The following SORL1-AS1 variants were observed in gnomAD, a reference collection of about 807,000 sequenced individuals.
SORL1-AS1 encodes the protein lncRNA 51 A.
Position 121,452,734 on chromosome 11 carries a change from C to A in SORL1-AS1, n.280G>T. 1.1e-6 allele frequency: 1 copy of A among 908,726 alleles called. No individual in the cohort carries two copies. Among genetic ancestry groups the A allele is most frequent in the Non-Finnish European group, 1.5e-6 (1 of 654,960 alleles). The allele number at this position is 908,726 out of a possible 1,614,324, so 56.3% of individuals were successfully genotyped here. A position where few individuals can be genotyped will look rare whatever the true frequency, so the allele number is the denominator to read the frequency against. On this transcript the variant is annotated non_coding_transcript_exon_variant, in exon 1 of 2. Transcript: ENST00000501964. The surrounding 1 kb of genome is among the most constrained non-coding windows in gnomAD (Gnocchi z 5.3). Reference sequence around the variant, plus strand: ...GCAGGCACCACTGGGGACTTCCCGGCTTGCATTTGTTTTTTTCCTTCACGA... The same window carrying A: ...GCAGGCACCACTGGGGACTTCCCGGATTGCATTTGTTTTTTTCCTTCACGA...
rs578506 is a variant in SORL1-AS1, at chr11:121,452,768, G to C, written n.246C>G. ...GTTTTTTTCCTTCACGAGTACAACC[G>C]TCAGCACTTGAATCGCATTGATCTT... On this transcript the variant is annotated non_coding_transcript_exon_variant, in exon 1 of 2. Transcript: ENST00000501964. This position sits in a 1 kb window ranked among gnomAD's most constrained non-coding sequence, Gnocchi z 5.3. 0.47 allele frequency: 279,157 copies of C among 596,972 alleles called. 70,991 individuals carry two copies. Among genetic ancestry groups the C allele is most frequent in the East Asian group, 0.73 (21,093 of 28,704 alleles). The allele number at this position is 596,972 out of a possible 1,614,324, so 37.0% of individuals were successfully genotyped here.
intron 1 of SORL1-AS1, among the ~76,000 whole-genome samples, chr11:121,451,333 G>A (rs1398246649): frequency 6.6e-6 from 1 of 152,310 alleles, no homozygotes; most frequent in South Asian, 2.1e-4. Context: ...AGTTTGGCTC[G>A]TCAAGCTGAA....
downstream of SORL1-AS1, among the ~76,000 whole-genome samples, chr11:121,442,767 C>T (rs1374206180): frequency 2.0e-5 from 3 of 150,230 alleles, no homozygotes; most frequent in Non-Finnish European, 4.4e-5. Flanking sequence ...CAAGCTCCGC[C>T]TCCCAGGTTC....
exon 2 of SORL1-AS1, chr11:121,448,045 C>A (rs1383829654): frequency 2.6e-5 from 4 of 152,176 alleles, no homozygotes; most frequent in Non-Finnish European, 5.9e-5. Flanking sequence ...TAACTTTAGG[C>A]AAAGCAAATA....
the SORL1-AS1 span, among the ~76,000 whole-genome samples, chr11:121,439,419 T>C: frequency 4.6e-5 from 7 of 151,736 alleles, no homozygotes; most frequent in Non-Finnish European, 1.0e-4. Flanking sequence ...TTTAAAAACA[T>C]TGATTGTCCT....
At chr11:121,451,367 C>G (rs1860789790) in intron 1 of SORL1-AS1, among the ~76,000 whole-genome samples, 1 of 152,226 alleles carries the variant, frequency 6.6e-6, no homozygotes, top group Admixed American at 6.5e-5. Flanking sequence ...TGTGTCCTCC[C>G]TCCTCTGTGG....
Position 121,452,350 on chromosome 11 carries a change from A to T in SORL1-AS1, n.339+325T>A. 4 of 1,553,674 alleles carry T rather than the reference A, an allele frequency of 2.6e-6. No individual in the cohort carries two copies. Among genetic ancestry groups the T allele is most frequent in the Non-Finnish European group, 3.5e-6 (4 of 1,154,518 alleles). ...CCCGAACATGGCGACACGGAGCAGC[A>T]GGAGGGAGTCGCGACTCCCGTTCCT... is the stretch of plus-strand genomic sequence containing the variant. On this transcript the variant is annotated intron_variant and non_coding_transcript_variant, in intron 1 of 1. Transcript: ENST00000501964. This position sits in a 1 kb window ranked among gnomAD's most constrained non-coding sequence, Gnocchi z 5.3.
chr11:121,444,533 T>C (rs1860701143), downstream of SORL1-AS1, among the ~76,000 whole-genome samples: 2 of 152,220 alleles, frequency 1.3e-5, no homozygotes, highest in South Asian at 4.1e-4. Flanking sequence ...TCTAGTACTT[T>C]ACACTGCACA....
exon 2 of SORL1-AS1, chr11:121,448,652 T>C (rs1355085858): frequency 6.6e-6 from 1 of 152,182 alleles, no homozygotes; most frequent in Admixed American, 6.5e-5. Flanking sequence ...ACAAAGGTGG[T>C]GTCACTTCTC....
chr11:121,452,426 C>A lies in SORL1-AS1; in HGVS notation n.339+249G>T, dbSNP rs780711159. On this transcript the variant is annotated intron_variant and non_coding_transcript_variant, in intron 1 of 1. Transcript: ENST00000501964. This position sits in a 1 kb window ranked among gnomAD's most constrained non-coding sequence, Gnocchi z 5.3. The stretch of plus-strand genomic sequence containing the variant: ...CCCGGAGCTCTCTGCGAAGTCTGGA[C>A]GCAGAGGCTGCACGGCGGCAGCGCG... The A allele has an allele frequency of 6.6e-7, 1 of 1,514,232 alleles. No individual in the cohort carries two copies. Among genetic ancestry groups the A allele is most frequent in the African/African-American group, 1.4e-5 (1 of 69,204 alleles). 93.8% of individuals were successfully genotyped at this position (1,514,232 alleles called of 1,614,324 possible).
At position 121,452,423 on chromosome 11, in the gene SORL1-AS1, G is replaced by A; in HGVS notation, n.339+252C>T. On this transcript the variant is annotated intron_variant and non_coding_transcript_variant, in intron 1 of 1. Transcript: ENST00000501964. This position sits in a 1 kb window ranked among gnomAD's most constrained non-coding sequence, Gnocchi z 5.3. The stretch of plus-strand genomic sequence containing the variant: ...CCGCCCGGAGCTCTCTGCGAAGTCT[G>A]GACGCAGAGGCTGCACGGCGGCAGC... 1 of 1,516,542 alleles carries A rather than the reference G, an allele frequency of 6.6e-7. No individual in the cohort carries two copies. Among genetic ancestry groups the A allele is most frequent in the East Asian group, 2.8e-5 (1 of 36,360 alleles). 93.9% of individuals were successfully genotyped at this position (1,516,542 alleles called of 1,614,324 possible).
downstream of SORL1-AS1, among the ~76,000 whole-genome samples, chr11:121,444,709 A>G (rs1265466259): frequency 6.6e-6 from 1 of 152,212 alleles, no homozygotes; most frequent in African/African-American, 2.4e-5. Context: ...CCCTGCTGGG[A>G]GGCATCCAAG....
chr11:121,446,083 A>G (rs1311262499), downstream of SORL1-AS1, among the ~76,000 whole-genome samples: 2 of 152,162 alleles, frequency 1.3e-5, no homozygotes, highest in African/African-American at 4.8e-5. Flanking sequence ...TCCAGAACCA[A>G]CTGCCGAAGG....
exon 2 of SORL1-AS1, chr11:121,449,549 T>G (rs1860763749): frequency 6.6e-6 from 1 of 152,190 alleles, no homozygotes; most frequent in African/African-American, 2.4e-5. Flanking sequence ...GAAGAAATCG[T>G]AAGAGACAAG....
chr11:121,448,608 T>C (rs1860753369), exon 2 of SORL1-AS1: 1 of 152,186 alleles, frequency 6.6e-6, no homozygotes, highest in South Asian at 2.1e-4. Flanking sequence ...GAGATTCAAC[T>C]ACATTGGCCC....
chr11:121,449,275 T>C (rs1591538165), exon 2 of SORL1-AS1: 1 of 152,258 alleles, frequency 6.6e-6, no homozygotes. Context: ...CCATGCAAGA[T>C]GGGACAGAGG....
the SORL1-AS1 span, among the ~76,000 whole-genome samples, chr11:121,442,298 C>T: frequency 9.9e-5 from 15 of 152,126 alleles, no homozygotes; most frequent in Admixed American, 9.2e-4. Flanking sequence ...TAACGAGCAA[C>T]TAGAATCCTT....
downstream of SORL1-AS1, among the ~76,000 whole-genome samples, chr11:121,443,854 C>T (rs1410846105): frequency 6.6e-6 from 1 of 152,216 alleles, no homozygotes; most frequent in Non-Finnish European, 1.5e-5. Context: ...GCAGACCCAG[C>T]AGGCTGATTC....
At chr11:121,438,805 A>G in the SORL1-AS1 span, among the ~76,000 whole-genome samples, 1 of 152,196 alleles carries the variant, frequency 6.6e-6, no homozygotes, top group Admixed American at 6.5e-5. Flanking sequence ...AGGCAGGCGG[A>G]TCACAAGGTC....
Sources: allele counts gnomAD v4.1 joint callset (sites outside exome capture counted in the v4.1 genomes callset), GRCh38; gene constraint gnomAD v4.1.1; non-coding constraint Gnocchi (gnomAD v3.1); transcripts MANE v1.5; gene names NCBI Gene and HGNC (gene_info 2026-07-23, HGNC 2026-07-21).